Variants in SNED1 observed in about 807,000 individuals in gnomAD.
The protein encoded by SNED1 is sushi, nidogen and EGF-like domain-containing protein 1.
In SNED1, 81 loss-of-function variants were observed where a neutral mutation model predicts 166.7. The ratio of observed to expected loss-of-function variants is 0.49; its 90% CI spans 0.41 to 0.58. SNED1 has a LOEUF of 0.58. Among genes scored for constraint, SNED1 ranks in the 20% least tolerant of loss-of-function variants. SNED1 has a pLI of 0.00. For synonymous variants in SNED1, 762 were observed against 822.0 expected, an observed-to-expected ratio of 0.93 and a Z score of 1.25; for missense variants, 1,604 against 2,000.2, an observed-to-expected ratio of 0.80 and a Z score of 3.78.
At chr2:241,003,567 A>C (rs2060135318) in intron 1 of SNED1, among the ~76,000 whole-genome samples, 1 of 152,208 alleles carries the variant, frequency 6.6e-6, no homozygotes, top group Non-Finnish European at 1.5e-5. Flanking sequence ...TTCCACACAG[A>C]GATGCAGGAC....
intron 15 of SNED1, 100 bp from the exon 16 acceptor site, chr2:241,053,053 G>A (rs568382212): frequency 2.6e-6 from 3 of 1,165,790 alleles, no homozygotes; most frequent in South Asian, 1.5e-5. Flanking sequence ...GTGGGAGCAG[G>A]ACATCCCTGG....
chr2:241,022,961 T>A (rs950853285), intron 1 of SNED1, among the ~76,000 whole-genome samples: 25 of 152,204 alleles, frequency 1.6e-4, no homozygotes, highest in African/African-American at 5.5e-4. Context: ...TCTTACTTGA[T>A]CACTCTCACC....
Position 241,013,181 on chromosome 2 carries a change from C to A in SNED1, c.213+14131C>A, listed in dbSNP as rs1447388906. ...GTTGCCATGCATTACATGGAGACCC[C>A]AGAACTTACTCATCCTGTCTGACTG... On this transcript the variant is annotated intron_variant, in intron 1 of 31. Coordinates refer to ENST00000310397, the MANE Select transcript of SNED1 (RefSeq NM_001080437.3). The surrounding 1 kb of genome is among the most constrained non-coding windows in gnomAD (Gnocchi z 4.6). 1.3e-5 allele frequency among the ~76,000 whole-genome samples: 2 copies of A among 152,154 alleles called. No homozygotes were observed. The highest frequency in any genetic ancestry group is 1.3e-4 in the Admixed American group (2 of 15,266).
chr2:241,065,737 T>C, intron 21 of SNED1, 142 bp downstream of exon 21: 1 of 739,032 alleles, frequency 1.4e-6, no homozygotes, highest in South Asian at 1.9e-5. Context: ...AGCTGGGGGT[T>C]GGAGGCACCG....
chr2:241,066,528 T>G (rs2062457603), intron 21 of SNED1, among the ~76,000 whole-genome samples: 1 of 152,066 alleles, frequency 6.6e-6, no homozygotes, highest in South Asian at 2.1e-4. Flanking sequence ...AACATGCCTG[T>G]GGCCTCCAGA....
At chr2:241,033,634 G>A in intron 2 of SNED1, 101 bp from the exon 3 acceptor site, 2 of 1,325,632 alleles carry the variant, frequency 1.5e-6, no homozygotes, top group Non-Finnish European at 2.0e-6. Flanking sequence ...GCAAGCCAGG[G>A]GCCCAGTGGA....
chr2:241,059,005 AAG>A (rs1432681380), intron 16 of SNED1, among the ~76,000 whole-genome samples: 5 of 152,186 alleles, frequency 3.3e-5, no homozygotes, highest in Non-Finnish European at 5.9e-5. Flanking sequence ...TCAGGAAAAA[AAG>A]AGAGAAATTA....
chr2:241,068,876 A>G lies in SNED1; in HGVS notation c.3195-35A>G. 7.0e-7 allele frequency: 1 copy of G among 1,419,434 alleles called. No individual in the cohort carries two copies. Among genetic ancestry groups the G allele is most frequent in the Non-Finnish European group, 9.7e-7 (1 of 1,033,616 alleles). The allele number at this position is 1,419,434 out of a possible 1,614,324, so 87.9% of individuals were successfully genotyped here. ...GCAGAGTCACACACAGGTCCCAGACATCCCTGTTCTCTCTTTGTCACCTCC... is the reference window on the plus strand; with the variant it reads ...GCAGAGTCACACACAGGTCCCAGACGTCCCTGTTCTCTCTTTGTCACCTCC... On this transcript the variant is annotated intron_variant, in intron 22 of 31. Transcript: ENST00000310397. This position sits in a 1 kb window ranked among gnomAD's most constrained non-coding sequence, Gnocchi z 5.3.
chr2:241,090,502 T>G, intron 31 of SNED1: 2 of 1,486,376 alleles, frequency 1.3e-6, no homozygotes, highest in Non-Finnish European at 1.8e-6. Context: ...ACATCACAAA[T>G]TATCATCAAG....
chr2:241,079,822 C>T (rs1559307309), intron 27 of SNED1, among the ~76,000 whole-genome samples: 1 of 152,092 alleles, frequency 6.6e-6, no homozygotes, highest in Non-Finnish European at 1.5e-5. Flanking sequence ...TAAAAAGCAT[C>T]GCCAAGGAAT....
At position 241,026,866 on chromosome 2, in the gene SNED1, A is replaced by G. The variant is rs180931021; in HGVS notation, c.214-3418A>G. 3.9e-5 allele frequency among the ~76,000 whole-genome samples: 6 copies of G among 152,320 alleles called. No homozygotes were observed. The East Asian group carries it at 1.2e-3, about 29-fold the overall frequency. Reference sequence around the variant, plus strand: ...CCCACAGAATTCTTTTCATCTTTCAAAATTGAAACTCTAATCCCATTAAAT... The same window carrying G: ...CCCACAGAATTCTTTTCATCTTTCAGAATTGAAACTCTAATCCCATTAAAT... On this transcript the variant is annotated intron_variant, in intron 1 of 31. Coordinates refer to ENST00000310397, the MANE Select transcript of SNED1 (RefSeq NM_001080437.3).
At chr2:241,030,861 C>T (rs182588916) in intron 2 of SNED1, among the ~76,000 whole-genome samples, 2 of 152,236 alleles carry the variant, frequency 1.3e-5, no homozygotes, top group Admixed American at 6.5e-5. Flanking sequence ...TGGCCCAGTA[C>T]TCAAAAGGTT....
At position 241,064,021 on chromosome 2, in the gene SNED1, C is replaced by T; in HGVS notation, c.2495C>T (p.Ala832Val). 6.4e-7 allele frequency: 1 copy of T among 1,553,986 alleles called. No homozygotes were observed. The highest frequency in any genetic ancestry group is 8.7e-7 in the Non-Finnish European group (1 of 1,149,146). ...TCTGGGTGTTCTCCAGAGGTGGACG[C>T]CTGCGACTCCAGCCCCTGCCAGCAT... is the stretch of plus-strand genomic sequence containing the variant. Reference protein sequence around the residue: ...VGVHCETEVDACDSSPCQHGG... With the variant: ...VGVHCETEVDVCDSSPCQHGG... Residue 832 changes from alanine to valine, a missense_variant, in exon 19 of 32, where the codon GCC becomes GTC. Ala to Val is a moderately conservative substitution (Grantham distance 64). This residue lies in a region of SNED1 where 1,237 missense variants were observed against 1,620.8 expected (regional missense o/e 0.76). Coordinates refer to ENST00000310397, the MANE Select transcript of SNED1 (RefSeq NM_001080437.3). The surrounding 1 kb of genome is among the most constrained non-coding windows in gnomAD (Gnocchi z 7.0).
At chr2:241,004,697 T>C (rs1401843957) in intron 1 of SNED1, among the ~76,000 whole-genome samples, 1 of 152,180 alleles carries the variant, frequency 6.6e-6, no homozygotes, top group Non-Finnish European at 1.5e-5. Context: ...ACACATGTTA[T>C]AAACCCAATA....
rs997511420 is a variant in SNED1, at chr2:241,064,466, G to C, written c.2599+341G>C. Among the ~76,000 whole-genome samples the C allele has an allele frequency of 2.6e-5, 4 of 152,162 alleles. No homozygotes were observed. The highest frequency in any genetic ancestry group is 5.9e-5 in the Non-Finnish European group (4 of 68,020). On this transcript the variant is annotated intron_variant, in intron 19 of 31. Transcript: ENST00000310397. This position sits in a 1 kb window ranked among gnomAD's most constrained non-coding sequence, Gnocchi z 7.0. ...TCTTGCACACCCAGGTCTGGCCCCT[G>C]GCTGTCCTTCCATCTGGAACATTCT...
Position 241,050,011 on chromosome 2 carries a change from G to C in SNED1, c.1735+78G>C, listed in dbSNP as rs551565640. The stretch of plus-strand genomic sequence containing the variant: ...CGGTCCGCCGTCCTGCTTCTCTGCT[G>C]TCTCTCTCCTTGTTTCGCGAATTGC... On this transcript the variant is annotated intron_variant, in intron 12 of 31. Transcript: ENST00000310397. 6 of 1,045,634 alleles carry C rather than the reference G, an allele frequency of 5.7e-6. No homozygotes were observed. The African/African-American group carries it at 7.8e-5, about 14-fold the overall frequency. The allele number at this position is 1,045,634 out of a possible 1,614,324, so 64.8% of individuals were successfully genotyped here.
chr2:241,037,080 TG>T lies in SNED1; in HGVS notation c.932-158del, dbSNP rs2061395556. 6 of 1,022,334 alleles carry T rather than the reference TG, an allele frequency of 5.9e-6. No individual in the cohort carries two copies. The East Asian group carries it at 1.0e-4, about 18-fold the overall frequency. The allele number at this position is 1,022,334 out of a possible 1,614,324, so 63.3% of individuals were successfully genotyped here. ...GGGGACCACTGGGGACCAAAGGCCA[TG>T]GCCCCCTGGAGTGAGCACCATGGGC... On this transcript the variant is annotated intron_variant, in intron 5 of 31. Transcript: ENST00000310397.
chr2:241,089,198 T>C, intron 31 of SNED1: 2 of 1,205,458 alleles, frequency 1.7e-6, no homozygotes, highest in Middle Eastern at 2.5e-4. Flanking sequence ...CATCATTTTT[T>C]ATCAACATGT....
intron 15 of SNED1, 132 bp from the exon 16 acceptor site, chr2:241,053,021 C>G: frequency 1.2e-6 from 1 of 842,542 alleles, no homozygotes; most frequent in Non-Finnish European, 1.8e-6. Flanking sequence ...AGTCGAGGCA[C>G]CTTTCCCCGG....
Sources: allele counts gnomAD v4.1 joint callset (sites outside exome capture counted in the v4.1 genomes callset), GRCh38; gene constraint gnomAD v4.1.1; regional missense constraint gnomAD v4.1.1; non-coding constraint Gnocchi (gnomAD v3.1); transcripts MANE v1.5; gene names NCBI Gene and HGNC (gene_info 2026-07-23, HGNC 2026-07-21).